RBFOX1: variants seen among roughly 807,000 people sequenced by gnomAD.
The protein encoded by RBFOX1 is RNA binding fox-1 homolog 1, also known as RNA binding protein fox-1 homolog 1.
Under a neutral mutation model 57.7 loss-of-function variants are expected in RBFOX1, and 8 were observed. The ratio of observed to expected loss-of-function variants is 0.14; its 90% CI spans 0.08 to 0.25. RBFOX1 has a LOEUF of 0.25. Among genes scored for constraint, RBFOX1 ranks in the 10% least tolerant of loss-of-function variants. The probability of loss-of-function intolerance (pLI) is 1.00; values close to 1 mark genes in which losing one functional copy is unlikely to be tolerated. For missense variants in RBFOX1, 611 were observed against 548.5 expected (o/e 1.11, Z -1.14); for synonymous variants, 326 against 222.4 (o/e 1.47, Z -4.15).
chr16:6,686,245 T>C (rs1310142293), intron 3 of RBFOX1, among the ~76,000 whole-genome samples: 1 of 152,312 alleles, frequency 6.6e-6, no homozygotes, highest in East Asian at 1.9e-4. Context: ...TCAAATTAGA[T>C]GAGACAGTGG....
At chr16:7,008,033 A>G (rs1268338737) in intron 3 of RBFOX1, among the ~76,000 whole-genome samples, 1 of 152,194 alleles carries the variant, frequency 6.6e-6, no homozygotes, top group Non-Finnish European at 1.5e-5. Context: ...CACCCAACTT[A>G]GCATTATCTA....
At chr16:6,956,056 T>C (rs547689280) in intron 3 of RBFOX1, among the ~76,000 whole-genome samples, 11 of 152,178 alleles carry the variant, frequency 7.2e-5, no homozygotes, top group Admixed American at 3.3e-4. Flanking sequence ...TTAAGTGAGT[T>C]ATCTTCCCTT....
At chr16:6,326,369 G>C (rs1265158162) in intron 2 of RBFOX1, among the ~76,000 whole-genome samples, 1 of 152,156 alleles carries the variant, frequency 6.6e-6, no homozygotes, top group Admixed American at 6.5e-5. Flanking sequence ...TAATCCATGT[G>C]AGATTAACTA....
At chr16:7,234,336 G>A (rs2093658969) in intron 4 of RBFOX1, among the ~76,000 whole-genome samples, 1 of 152,128 alleles carries the variant, frequency 6.6e-6, no homozygotes, top group Admixed American at 6.5e-5. Context: ...AATACAGTGA[G>A]TTGAGATGAG....
chr16:7,536,426 T>C (rs560724826), intron 5 of RBFOX1, among the ~76,000 whole-genome samples: 124 of 152,190 alleles, frequency 8.1e-4, no homozygotes, highest in African/African-American at 2.9e-3. Context: ...AAACCCTGTG[T>C]CTACTAAAAA....
intron 2 of RBFOX1, among the ~76,000 whole-genome samples, chr16:5,565,933 T>C (rs1304062262): frequency 5.3e-5 from 8 of 152,112 alleles, no homozygotes; most frequent in Non-Finnish European, 7.4e-5. Flanking sequence ...TGGGAGATAA[T>C]TGAAGCATGG....
chr16:6,084,743 C>A (rs887902950), intron 1 of RBFOX1, among the ~76,000 whole-genome samples: 1 of 151,778 alleles, frequency 6.6e-6, no homozygotes. Flanking sequence ...AGAGGGCCCA[C>A]CTCTTCATGG....
chr16:5,818,982 A>G (rs976359235), intron 3 of RBFOX1, among the ~76,000 whole-genome samples: 2 of 152,052 alleles, frequency 1.3e-5, no homozygotes, highest in African/African-American at 4.8e-5. Flanking sequence ...ATCTGTCCCC[A>G]TCTCCATCTG....
In RBFOX1 at chr16:6,779,769, A is replaced by G. The variant is rs1272504095; in HGVS notation, c.-16+125119A>G. On this transcript the variant is annotated intron_variant, in intron 3 of 15. Transcript: ENST00000550418. ...TATATATACTTTTATATATTTATAT[A>G]TATATTTATATATATTTTTATATAT... is the stretch of plus-strand genomic sequence containing the variant. Among the ~76,000 whole-genome samples, 5 of 6,076 alleles carry G rather than the reference A, an allele frequency of 8.2e-4. 1 individual carries two copies. Among genetic ancestry groups the G allele is most frequent in the African/African-American group, 4.9e-3 (5 of 1,018 alleles). 4.0% of individuals were successfully genotyped at this position (6,076 alleles called of 152,430 possible). A position where few individuals can be genotyped will look rare whatever the true frequency, so the allele number is the denominator to read the frequency against.
intron 1 of RBFOX1, among the ~76,000 whole-genome samples, chr16:5,433,065 G>A (rs2067802991): frequency 6.6e-6 from 1 of 152,164 alleles, no homozygotes; most frequent in South Asian, 2.1e-4. Flanking sequence ...GATGGAAAAC[G>A]CAGGAGACCG....
chr16:7,639,065 G>C (rs1002819533), intron 11 of RBFOX1, among the ~76,000 whole-genome samples: 1 of 152,062 alleles, frequency 6.6e-6, no homozygotes, highest in Admixed American at 6.5e-5. Context: ...TGATTTAAAT[G>C]ATACAAAATG....
At chr16:7,258,197 G>C (rs1223712006) in intron 4 of RBFOX1, among the ~76,000 whole-genome samples, 1 of 152,188 alleles carries the variant, frequency 6.6e-6, no homozygotes, top group African/African-American at 2.4e-5. Flanking sequence ...AATGTGCCAT[G>C]TACAGAGAGG....
intron 2 of RBFOX1, among the ~76,000 whole-genome samples, chr16:6,554,783 CACACACACAG>C (rs1276350528): frequency 1.0e-4 from 15 of 146,324 alleles, no homozygotes; most frequent in African/African-American, 3.4e-4. Context: ...GGTACACAGA[CACACACACAG>C]ACACACACAG....
chr16:5,450,854 G>A (rs2068403683), intron 1 of RBFOX1, among the ~76,000 whole-genome samples: 1 of 152,158 alleles, frequency 6.6e-6, no homozygotes, highest in African/African-American at 2.4e-5. Context: ...CCCAGTTTGG[G>A]GTAACATGTC....
chr16:6,737,520 A>C (rs1048749542), intron 3 of RBFOX1, among the ~76,000 whole-genome samples: 2 of 152,198 alleles, frequency 1.3e-5, no homozygotes, highest in African/African-American at 2.4e-5. Context: ...GGTGGCTATG[A>C]ACTTTCTGGA....
intron 4 of RBFOX1, among the ~76,000 whole-genome samples, chr16:7,222,504 G>C (rs1406278308): frequency 6.6e-6 from 1 of 152,188 alleles, no homozygotes. Context: ...ACAACCTAAT[G>C]CATGTTAGCA....
chr16:5,368,091 C>A (rs36000988), intron 1 of RBFOX1, among the ~76,000 whole-genome samples: 21,702 of 152,146 alleles, frequency 0.14, 2,147 homozygotes, highest in Non-Finnish European at 0.2. Flanking sequence ...TCAGTTCAGC[C>A]CATTAGATTT....
intron 1 of RBFOX1, among the ~76,000 whole-genome samples, chr16:5,253,564 C>T (rs574681464): frequency 1.3e-5 from 2 of 152,344 alleles, no homozygotes; most frequent in African/African-American, 4.8e-5. Context: ...AGGTTGTCTA[C>T]AGGCAGGTTG....
intron 2 of RBFOX1, among the ~76,000 whole-genome samples, chr16:6,587,857 A>G (rs113978017): frequency 6.6e-6 from 1 of 152,144 alleles, no homozygotes; most frequent in African/African-American, 2.4e-5. Flanking sequence ...CCGTCTTCCC[A>G]TATATATTGG....
Sources: gnomAD v4.1 joint callset for allele counts (sites outside exome capture counted in the v4.1 genomes callset) on GRCh38, gnomAD v4.1.1 for gene constraint, MANE v1.5 for transcripts, NCBI Gene and HGNC (gene_info 2026-07-23, HGNC 2026-07-21) for gene names.